PLXDC2: variants seen among roughly 807,000 people sequenced by gnomAD.
PLXDC2 encodes plexin domain containing 2.
PLXDC2 carries 40 observed loss-of-function variants against 68.9 expected under a neutral mutation model. That is an observed-to-expected ratio of 0.58 (90% CI 0.45 to 0.76). The LOEUF (loss-of-function observed/expected upper bound fraction) is 0.76. Among genes scored for constraint, PLXDC2 ranks in the 30% least tolerant of loss-of-function variants. The pLI, the probability that PLXDC2 is intolerant of heterozygous loss-of-function variation, is 0.00. For synonymous variants in PLXDC2, 243 were observed against 234.2 expected (o/e 1.04, Z -0.34); for missense variants, 644 against 661.9 (o/e 0.97, Z 0.30).
chr10:19,939,350 A>G (rs776498923), intron 1 of PLXDC2, among the ~76,000 whole-genome samples: 3 of 152,202 alleles, frequency 2.0e-5, no homozygotes, highest in Non-Finnish European at 4.4e-5. Context: ...CCCTCTGGAA[A>G]TGGAGAAAAA....
rs533570753 is a variant in PLXDC2 at position 20,242,670 on chromosome 10, A to G, written c.1313-2675A>G. Among the ~76,000 whole-genome samples, 6 of 152,210 alleles carry G rather than the reference A, an allele frequency of 3.9e-5. No homozygotes were observed. In the East Asian group the frequency reaches 1.2e-3, roughly 29 times the overall value. On this transcript the variant is annotated intron_variant, in intron 12 of 13. Coordinates refer to ENST00000377252, the MANE Select transcript of PLXDC2 (RefSeq NM_032812.9). The stretch of plus-strand genomic sequence containing the variant: ...TTATGATGGCAGATACTGACCTAAG[A>G]CCCAGCCCAAAGACATAGCCTCTGT...
At chr10:20,022,493 A>G (rs1835329327) in intron 2 of PLXDC2, among the ~76,000 whole-genome samples, 1 of 152,150 alleles carries the variant, frequency 6.6e-6, no homozygotes, top group African/African-American at 2.4e-5. Context: ...AAGCCACATG[A>G]GGGACTGCAT....
intron 1 of PLXDC2, among the ~76,000 whole-genome samples, chr10:19,924,504 G>A (rs544760730): frequency 2.6e-5 from 4 of 152,244 alleles, no homozygotes; most frequent in African/African-American, 9.6e-5. Context: ...CCTTGGCAAG[G>A]TTATATAATA....
chr10:19,976,246 C>T (rs1834453895), intron 1 of PLXDC2, among the ~76,000 whole-genome samples: 1 of 152,088 alleles, frequency 6.6e-6, no homozygotes, highest in Non-Finnish European at 1.5e-5. Flanking sequence ...CAGAGTCTCA[C>T]TCTGTCACCC....
At chr10:20,243,255 A>T (rs540189005) in intron 12 of PLXDC2, among the ~76,000 whole-genome samples, 1 of 152,234 alleles carries the variant, frequency 6.6e-6, no homozygotes, top group South Asian at 2.1e-4. Flanking sequence ...CTCATTTTTT[A>T]ATTATCCTGT....
In PLXDC2 at chr10:20,047,034, A is replaced by G. The variant is rs1589603887; in HGVS notation, c.471+19A>G. The G allele has an allele frequency of 6.4e-7, 1 of 1,568,054 alleles. No individual in the cohort carries two copies. Among genetic ancestry groups the G allele is most frequent in the South Asian group, 1.2e-5 (1 of 83,794 alleles). On this transcript the variant is annotated intron_variant, in intron 3 of 13. Transcript: ENST00000377252. ...AGCTGCAGTAAGTGTTTGGACATTC[A>G]GGGTTCATTTTACCTACTGTGAAAA... is the stretch of plus-strand genomic sequence containing the variant.
At chr10:19,873,755 AT>A (rs1837585576) in intron 1 of PLXDC2, among the ~76,000 whole-genome samples, 1 of 152,288 alleles carries the variant, frequency 6.6e-6, no homozygotes, top group South Asian at 2.1e-4. Flanking sequence ...AAGAAATTCC[AT>A]TTCATTTATT....
intron 9 of PLXDC2, among the ~76,000 whole-genome samples, chr10:20,203,193 C>T (rs1294821920): frequency 6.6e-6 from 1 of 152,018 alleles, no homozygotes; most frequent in Non-Finnish European, 1.5e-5. Context: ...AAATCATTTT[C>T]CTTGTTGGAA....
chr10:19,911,990 A>T (rs907477886), intron 1 of PLXDC2, among the ~76,000 whole-genome samples: 4 of 152,080 alleles, frequency 2.6e-5, no homozygotes, highest in Admixed American at 2.6e-4. Context: ...TTTTCTCTAT[A>T]TAGGCTCCAC....
chr10:20,047,998 A>T (rs557545937), intron 3 of PLXDC2, among the ~76,000 whole-genome samples: 12 of 152,260 alleles, frequency 7.9e-5, no homozygotes, highest in African/African-American at 2.9e-4. Context: ...TGGCCTGGGT[A>T]ACAGTGGTGA....
At chr10:19,957,054 T>A (rs1834081925) in intron 1 of PLXDC2, among the ~76,000 whole-genome samples, 1 of 152,194 alleles carries the variant, frequency 6.6e-6, no homozygotes, top group South Asian at 2.1e-4. Context: ...ATAGGGCAAC[T>A]CAATTTATGA....
At chr10:20,177,582 T>C (rs567088869) in intron 9 of PLXDC2, among the ~76,000 whole-genome samples, 173 bp downstream of exon 9, 3 of 152,082 alleles carry the variant, frequency 2.0e-5, no homozygotes, top group African/African-American at 7.2e-5. Context: ...CTGGGCAACA[T>C]AGCAAGAACC....
chr10:20,008,479 G>A (rs1835062185), intron 2 of PLXDC2, among the ~76,000 whole-genome samples: 1 of 152,148 alleles, frequency 6.6e-6, no homozygotes, highest in Non-Finnish European at 1.5e-5. Flanking sequence ...CTTGAACCTG[G>A]GAGGCGGAAG....
chr10:20,089,893 C>T (rs1368741444), intron 4 of PLXDC2, among the ~76,000 whole-genome samples: 1 of 152,202 alleles, frequency 6.6e-6, no homozygotes, highest in African/African-American at 2.4e-5. Flanking sequence ...TATTTTAACA[C>T]AGACTCCATC....
rs145721301 is a variant in PLXDC2 at position 20,106,405 on chromosome 10, T to C, written c.542-36890T>C. ...GCTGGACGGTTCCTAAGCAGGGGAATCCCTCATTTTTGGATTGACTTTTGA... is the reference window on the plus strand; with the variant it reads ...GCTGGACGGTTCCTAAGCAGGGGAACCCCTCATTTTTGGATTGACTTTTGA... On this transcript the variant is annotated intron_variant, in intron 4 of 13. Transcript: ENST00000377252. Among the ~76,000 whole-genome samples the C allele has an allele frequency of 6.1e-3, 930 of 152,268 alleles. 7 individuals are homozygous for C. The highest frequency in any genetic ancestry group is 0.014 in the Middle Eastern group (4 of 294).
At position 20,208,891 on chromosome 10, in the gene PLXDC2, T is replaced by TC. The variant is rs561678033; in HGVS notation, c.1062-2774dup. Among the ~76,000 whole-genome samples, 20 of 151,894 alleles carry TC rather than the reference T, an allele frequency of 1.3e-4. 3 individuals are homozygous for TC. The South Asian group carries it at 4.2e-3, about 32-fold the overall frequency. On this transcript the variant is annotated intron_variant, in intron 9 of 13. Coordinates refer to ENST00000377252, the MANE Select transcript of PLXDC2 (RefSeq NM_032812.9). ...CACATGTCGGCAGGTTGCGTGATGCTCCCCAAGCCATAAAACCAGCAAGTT... is the reference window on the plus strand; with the variant it reads ...CACATGTCGGCAGGTTGCGTGATGCTCCCCCAAGCCATAAAACCAGCAAGTT...
At chr10:19,886,296 G>A (rs1837844968) in intron 1 of PLXDC2, among the ~76,000 whole-genome samples, 2 of 152,272 alleles carry the variant, frequency 1.3e-5, no homozygotes, top group African/African-American at 4.8e-5. Flanking sequence ...CATGTCGTCT[G>A]CAAACAGGGA....
intron 1 of PLXDC2, among the ~76,000 whole-genome samples, chr10:19,870,731 C>G (rs1837518769): frequency 6.6e-6 from 1 of 152,078 alleles, no homozygotes; most frequent in Non-Finnish European, 1.5e-5. Context: ...CAGCCTACTA[C>G]TACTATTTGT....
intron 1 of PLXDC2, among the ~76,000 whole-genome samples, chr10:19,940,986 G>A (rs1833809811): frequency 6.6e-6 from 1 of 152,146 alleles, no homozygotes; most frequent in African/African-American, 2.4e-5. Context: ...GAAGAGATTA[G>A]TTCTTTAATT....
Sources: gnomAD v4.1 joint callset for allele counts (sites outside exome capture counted in the v4.1 genomes callset) on GRCh38, gnomAD v4.1.1 for gene constraint, MANE v1.5 for transcripts, NCBI Gene and HGNC (gene_info 2026-07-23, HGNC 2026-07-21) for gene names.